SLC25A12: variants seen among roughly 807,000 people sequenced by gnomAD.
The protein encoded by SLC25A12 is solute carrier family 25 member 12.
A neutral mutation model predicts 83.3 loss-of-function variants in SLC25A12; 32 were observed. The observed-to-expected ratio is 0.38, with a 90% CI of 0.29 to 0.52. The LOEUF is 0.52. Among genes scored for constraint, SLC25A12 ranks in the 20% least tolerant of loss-of-function variants. The pLI is 0.84. For synonymous variants in SLC25A12, 267 were observed against 291.1 expected (o/e 0.92, Z 0.84); for missense variants, 611 against 835.6 (o/e 0.73, Z 3.31).
At chr2:171,817,623 A>AAAAAAAAAAG (rs1684081952) in intron 9 of SLC25A12, among the ~76,000 whole-genome samples, 5 of 149,828 alleles carry the variant, frequency 3.3e-5, no homozygotes, top group Non-Finnish European at 7.4e-5. Flanking sequence ...AAAAAAAAAA[A>AAAAAAAAAAG]TGTATGTAGA....
At chr2:171,788,184 G>A in intron 15 of SLC25A12, 1 of 478,998 alleles carries the variant, frequency 2.1e-6, no homozygotes, top group Non-Finnish European at 3.7e-6. Flanking sequence ...ACTCTACATT[G>A]CATGATCCCA....
intron 2 of SLC25A12, among the ~76,000 whole-genome samples, chr2:171,875,514 G>A (rs1232630062): frequency 6.6e-6 from 1 of 152,070 alleles, no homozygotes; most frequent in Non-Finnish European, 1.5e-5. Context: ...GAGAGAGAAA[G>A]GGCAAGGGGT....
intron 9 of SLC25A12, among the ~76,000 whole-genome samples, chr2:171,820,246 T>C (rs1318862548): frequency 2.0e-5 from 3 of 149,262 alleles, no homozygotes; most frequent in African/African-American, 2.6e-5. Context: ...TTCTTAATAA[T>C]TCTAATGATG....
intron 13 of SLC25A12, among the ~76,000 whole-genome samples, chr2:171,797,039 A>G (rs906774116): frequency 2.0e-5 from 3 of 152,238 alleles, no homozygotes; most frequent in African/African-American, 4.8e-5. Context: ...AAACAAATAC[A>G]GAGAAATACC....
intron 11 of SLC25A12, among the ~76,000 whole-genome samples, chr2:171,812,953 C>T (rs1426848440): frequency 6.6e-6 from 1 of 151,954 alleles, no homozygotes; most frequent in African/African-American, 2.4e-5. Context: ...TTCTTTTTCA[C>T]AGGAAAGAGA....
chr2:171,869,094 G>A (rs979063385), intron 2 of SLC25A12, among the ~76,000 whole-genome samples: 4 of 152,134 alleles, frequency 2.6e-5, no homozygotes, highest in African/African-American at 9.7e-5. Flanking sequence ...TATATTATGT[G>A]ATACTATTAA....
chr2:171,882,210 C>T (rs78617718), intron 2 of SLC25A12, among the ~76,000 whole-genome samples: 2 of 152,138 alleles, frequency 1.3e-5, no homozygotes, highest in African/African-American at 2.4e-5. Flanking sequence ...TCCTTCCCCC[C>T]TTCTGGTAAC....
chr2:171,845,548 T>C (rs1489834972), intron 4 of SLC25A12, among the ~76,000 whole-genome samples: 2 of 152,226 alleles, frequency 1.3e-5, no homozygotes, highest in African/African-American at 4.8e-5. Context: ...ATTTAAAGTT[T>C]TATAATCTCC....
chr2:171,853,879 G>A lies in SLC25A12; in HGVS notation c.325+1955C>T, dbSNP rs141693097. ...TACTAATTTTATAATAATCGAAACT[G>A]GGAAAAGTAATTAAATGGAGGAGAC... On this transcript the variant is annotated intron_variant, in intron 4 of 17. Coordinates refer to ENST00000422440, the MANE Select transcript of SLC25A12 (RefSeq NM_003705.5). Among the ~76,000 whole-genome samples, 399 of 152,254 alleles carry A rather than the reference G, an allele frequency of 2.6e-3. 2 individuals are homozygous for A. Among genetic ancestry groups the A allele is most frequent in the African/African-American group, 8.7e-3 (360 of 41,550 alleles).
chr2:171,810,562 A>G (rs1267305451), intron 11 of SLC25A12, among the ~76,000 whole-genome samples: 1 of 152,248 alleles, frequency 6.6e-6, no homozygotes, highest in Non-Finnish European at 1.5e-5. Flanking sequence ...GAAGAAACGG[A>G]GCCATGCGTC....
chr2:171,868,598 G>T, intron 3 of SLC25A12, 83 bp downstream of exon 3: 1 of 1,374,622 alleles, frequency 7.3e-7, no homozygotes, highest in Non-Finnish European at 1.0e-6. Context: ...ACAGGCATGA[G>T]CCACTGTGCC....
intron 2 of SLC25A12, among the ~76,000 whole-genome samples, chr2:171,882,924 T>A (rs1685727024): frequency 6.6e-6 from 1 of 152,218 alleles, no homozygotes; most frequent in South Asian, 2.1e-4. Context: ...CGAATGAAGT[T>A]TCAGAAGAAA....
At chr2:171,806,755 C>T (rs932792677) in intron 13 of SLC25A12, among the ~76,000 whole-genome samples, 2 of 152,194 alleles carry the variant, frequency 1.3e-5, no homozygotes, top group Non-Finnish European at 2.9e-5. Flanking sequence ...GTATTAGGTG[C>T]ATCTTTAAAA....
At chr2:171,841,360 G>A (rs186946777) in intron 5 of SLC25A12, among the ~76,000 whole-genome samples, 3 of 152,296 alleles carry the variant, frequency 2.0e-5, no homozygotes, top group East Asian at 3.9e-4. Context: ...GATTACAGGC[G>A]TGAGCCAAAA....
intron 14 of SLC25A12, among the ~76,000 whole-genome samples, chr2:171,792,814 T>TG (rs1421094042): frequency 6.6e-6 from 1 of 152,208 alleles, no homozygotes; most frequent in Non-Finnish European, 1.5e-5. Flanking sequence ...GAGAACCCTG[T>TG]AGCTGTGTGA....
At chr2:171,798,761 G>A (rs1044778549) in intron 13 of SLC25A12, among the ~76,000 whole-genome samples, 15 of 152,178 alleles carry the variant, frequency 9.9e-5, no homozygotes, top group Admixed American at 2.6e-4. Flanking sequence ...TAAATGCAAT[G>A]TGCTCATTGC....
chr2:171,787,265 C>T (rs1202085449), intron 17 of SLC25A12, among the ~76,000 whole-genome samples: 2 of 152,034 alleles, frequency 1.3e-5, no homozygotes, highest in Non-Finnish European at 2.9e-5. Context: ...GTTGAGGCTA[C>T]GGTGAGCCAA....
In SLC25A12 at chr2:171,810,235, T is replaced by C; in HGVS notation, c.1213A>G (p.Ile405Val). The change falls in exon 12 of 18, where the codon ATT becomes GTT. Residue 405 changes from isoleucine (I) to valine (V), a missense_variant. Transcript: ENST00000422440. ...AGAGATAAACTTACAGTCAGTTTAA[T>C]GGCCTTTTCTGGAGCAACCCCTATA... ...QLIGVAPEKA[I>V]KLTVNDFVRD... is the part of the protein sequence containing the mutation. The C allele has an allele frequency of 6.2e-7, 1 of 1,613,436 alleles. No individual in the cohort carries two copies. Among genetic ancestry groups the C allele is most frequent in the Non-Finnish European group, 8.5e-7 (1 of 1,179,394 alleles).
At chr2:171,796,669 T>C (rs1259398565) in intron 13 of SLC25A12, among the ~76,000 whole-genome samples, 3 of 151,884 alleles carry the variant, frequency 2.0e-5, no homozygotes, top group African/African-American at 7.3e-5. Flanking sequence ...GTAATTAGTA[T>C]ACATTTTTAA....
Sources: allele counts gnomAD v4.1 joint callset (sites outside exome capture counted in the v4.1 genomes callset), GRCh38; gene constraint gnomAD v4.1.1; transcripts MANE v1.5; gene names NCBI Gene and HGNC (gene_info 2026-07-23, HGNC 2026-07-21).